DCHS2: variants seen among roughly 807,000 people sequenced by gnomAD.
DCHS2 encodes protocadherin-23.
DCHS2 carries 142 observed loss-of-function variants against 182.4 expected under a neutral mutation model. The ratio of observed to expected loss-of-function variants is 0.78; its 90% CI spans 0.68 to 0.89. The LOEUF (loss-of-function observed/expected upper bound fraction) is 0.89, where lower values mean the gene tolerates loss of function less well. Ranked by LOEUF, DCHS2 falls within the 40% of genes least tolerant of loss-of-function variation. The pLI, the probability that DCHS2 is intolerant of heterozygous loss-of-function variation, is 0.00. For synonymous variants in DCHS2, 1,740 were observed against 1,663.3 expected, an observed-to-expected ratio of 1.05 and a Z score of -1.12; for missense variants, 4,319 against 4,198.6, an observed-to-expected ratio of 1.03 and a Z score of -0.79.
At chr4:154,382,273 A>G (rs1461148821) in intron 1 of DCHS2, among the ~76,000 whole-genome samples, 1 of 152,212 alleles carries the variant, frequency 6.6e-6, no homozygotes, top group African/African-American at 2.4e-5. Context: ...ATATACAAAA[A>G]TTAAATGAAT....
chr4:154,333,651 G>A (rs1451656661), intron 4 of DCHS2, 157 bp from the exon 5 acceptor site: 2 of 725,018 alleles, frequency 2.8e-6, no homozygotes, highest in African/African-American at 1.8e-5. Context: ...TTCTGACACC[G>A]TATTTTATTG....
chr4:154,327,586 T>C (rs1369594010), intron 7 of DCHS2, among the ~76,000 whole-genome samples: 1 of 152,146 alleles, frequency 6.6e-6, no homozygotes, highest in Non-Finnish European at 1.5e-5. Flanking sequence ...GGAAAAAATC[T>C]GGGGCCTGCA....
intron 1 of DCHS2, among the ~76,000 whole-genome samples, chr4:154,394,797 G>C (rs750634031): frequency 2.0e-5 from 3 of 152,154 alleles, no homozygotes; most frequent in Non-Finnish European, 2.9e-5. Flanking sequence ...CCATATTTTA[G>C]AGCAAGAAAA....
At chr4:154,386,040 C>T (rs1189538729) in intron 1 of DCHS2, among the ~76,000 whole-genome samples, 6 of 152,098 alleles carry the variant, frequency 3.9e-5, no homozygotes, top group African/African-American at 9.7e-5. Flanking sequence ...ACTCCTGATT[C>T]CCACCCCACT....
chr4:154,298,338 G>C lies in DCHS2; in HGVS notation c.5976C>G (p.Ser1992Arg). ...IDPMSGTLKT[S>R]NTLDREARSQ... The stretch of plus-strand genomic sequence containing the variant: ...ATCTGGCTTCACGGTCGAGGGTGTT[G>C]CTGGTTTTCAATGTGCCTGACATAG... Residue 1992 changes from serine (S) to arginine (R), a missense_variant, in exon 13 of 20, where the codon AGC becomes AGG. Coordinates refer to ENST00000357232, the MANE Select transcript of DCHS2 (RefSeq NM_001358235.2). 6.2e-7 allele frequency: 1 copy of C among 1,614,150 alleles called. No homozygotes were observed.
In DCHS2 at chr4:154,332,687, C is replaced by T; in HGVS notation, c.3521G>A (p.Ser1174Asn). The T allele has an allele frequency of 6.2e-7, 1 of 1,614,210 alleles. No individual in the cohort carries two copies. The highest frequency in any genetic ancestry group is 8.5e-7 in the Non-Finnish European group (1 of 1,180,022). Residue 1174 changes from serine to asparagine, a missense_variant, in exon 5 of 20, where the codon AGC (serine) becomes AAC (asparagine). Transcript: ENST00000357232. Reference protein sequence around the residue: ...IPEDGFLQNVSTTVIVRVWDE... With the variant: ...IPEDGFLQNVNTTVIVRVWDE... ...CCAGACACGAACAATGACTGTAGTGCTCACATTTTGCAAGAATCCGTCCTC... is the reference window on the plus strand; with the variant it reads ...CCAGACACGAACAATGACTGTAGTGTTCACATTTTGCAAGAATCCGTCCTC...
At position 154,491,223 on chromosome 4, in the gene DCHS2, G is replaced by C. The variant is rs1476515580; in HGVS notation, c.133C>G (p.Arg45Gly). 6.4e-7 allele frequency: 1 copy of C among 1,551,240 alleles called. No homozygotes were observed. The highest frequency in any genetic ancestry group is 8.7e-7 in the Non-Finnish European group (1 of 1,146,938). Residue 45 changes from arginine (R) to glycine (G), a missense_variant, in exon 1 of 20, where the codon CGC becomes GGC. By Grantham distance (125) the Arg-to-Gly change is moderately radical. Transcript: ENST00000357232. ...TGCACCAAGAGCCAGAGCAGGGAGC[G>C]CTGCGTCCTGGCGCCGCTGCTGCCT... ...RSGSSGARTQ[R>G]SLLWLLVHVW...
At chr4:154,458,543 G>T (rs1033181951) in intron 1 of DCHS2, among the ~76,000 whole-genome samples, 6 of 152,168 alleles carry the variant, frequency 3.9e-5, no homozygotes, top group African/African-American at 1.4e-4. Flanking sequence ...GTCTGGCCAA[G>T]TCAGGACTCA....
At chr4:154,412,471 G>A (rs1732671546) in intron 1 of DCHS2, among the ~76,000 whole-genome samples, 1 of 152,116 alleles carries the variant, frequency 6.6e-6, no homozygotes, top group Non-Finnish European at 1.5e-5. Flanking sequence ...CTGAGTGGAA[G>A]GATATCACTC....
At chr4:154,447,321 C>G (rs1734342613) in intron 1 of DCHS2, among the ~76,000 whole-genome samples, 1 of 151,874 alleles carries the variant, frequency 6.6e-6, no homozygotes, top group African/African-American at 2.4e-5. Context: ...AACTTAAAAA[C>G]TAGGGAAATC....
chr4:154,478,878 A>G (rs1328922498), intron 1 of DCHS2, among the ~76,000 whole-genome samples: 1 of 152,244 alleles, frequency 6.6e-6, no homozygotes, highest in Admixed American at 6.5e-5. Flanking sequence ...GAAGAATGTA[A>G]CACTCAGAAG....
rs898046407 is a variant in DCHS2, at chr4:154,489,307, C to A, written c.2049G>T (p.Leu683=). 2.0e-6 allele frequency: 3 copies of A among 1,514,230 alleles called. No individual in the cohort carries two copies. The African/African-American group carries it at 4.1e-5, about 21-fold the overall frequency. The allele number at this position is 1,514,230 out of a possible 1,614,324, so 93.8% of individuals were successfully genotyped here. A position where few individuals can be genotyped will look rare whatever the true frequency, so the allele number is the denominator to read the frequency against. The change falls in exon 1 of 20, where the codon CTG becomes CTT. Residue 683 remains leucine (L), a synonymous_variant. Coordinates refer to ENST00000357232, the MANE Select transcript of DCHS2 (RefSeq NM_001358235.2). ...CCCACAGGCCTGATGCACTCACCTG[C>A]AGAAAGCAGTGTCCAACCGGGGCAT... ...AEHAPVGHCF[L]QVTASDADSG...
intron 1 of DCHS2, among the ~76,000 whole-genome samples, chr4:154,481,196 C>A (rs1735905740): frequency 6.6e-6 from 1 of 152,158 alleles, no homozygotes; most frequent in African/African-American, 2.4e-5. Flanking sequence ...GAGATCATAT[C>A]TCTAGCCATT....
intron 3 of DCHS2, among the ~76,000 whole-genome samples, chr4:154,359,980 G>GT (rs1008284239): frequency 4.0e-5 from 6 of 150,542 alleles, no homozygotes; most frequent in African/African-American, 4.9e-5. Context: ...CATCTTTAGT[G>GT]TTTTTTTTTA....
rs1388600001 is a variant in DCHS2, at chr4:154,256,106, ATTGGCTAGGTGTGAAT to A, written c.6790-452_6790-437del. Among the ~76,000 whole-genome samples the A allele has an allele frequency of 3.3e-5, 5 of 152,194 alleles. No individual in the cohort carries two copies. The East Asian group carries it at 7.7e-4, about 23-fold the overall frequency. The stretch of plus-strand genomic sequence containing the variant: ...TTCTGCTTAAAGAATTACCTATAAA[ATTGGCTAGGTGTGAAT>A]TTTTTTATATTGTATTTAAAGTTTT... On this transcript the variant is annotated intron_variant, in intron 15 of 19. Transcript: ENST00000357232.
chr4:154,274,947 C>T (rs1434365733), intron 13 of DCHS2, among the ~76,000 whole-genome samples: 1 of 152,004 alleles, frequency 6.6e-6, no homozygotes, highest in African/African-American at 2.4e-5. Context: ...TGAGCCATCT[C>T]ATTGAACCCT....
chr4:154,395,493 C>T (rs930727256), intron 1 of DCHS2, among the ~76,000 whole-genome samples: 5 of 152,144 alleles, frequency 3.3e-5, no homozygotes, highest in East Asian at 1.9e-4. Flanking sequence ...TGGATTGCTC[C>T]GCCATCACAC....
intron 14 of DCHS2, among the ~76,000 whole-genome samples, chr4:154,266,361 A>G (rs1202384151): frequency 6.6e-6 from 1 of 152,094 alleles, no homozygotes; most frequent in African/African-American, 2.4e-5. Context: ...TTGTTTTTCC[A>G]AAACCTTTTG....
At position 154,366,337 on chromosome 4, in the gene DCHS2, C is replaced by T. The variant is rs764593359; in HGVS notation, c.2349G>A (p.Glu783=). 1.2e-6 allele frequency: 2 copies of T among 1,613,620 alleles called. No homozygotes were observed. The highest frequency in any genetic ancestry group is 1.7e-6 in the Non-Finnish European group (2 of 1,179,874). The change falls in exon 3 of 20, where the codon GAG becomes GAA. Residue 783 remains glutamate, a synonymous_variant. Coordinates refer to ENST00000357232, the MANE Select transcript of DCHS2 (RefSeq NM_001358235.2). ...PSTYVTSISD[E]TQPGTEIINV... ...TGATGATCTCGGTGCCTGGCTGGGTCTCATCACTGATGCTCGTCACATAGG... is the reference window on the plus strand; with the variant it reads ...TGATGATCTCGGTGCCTGGCTGGGTTTCATCACTGATGCTCGTCACATAGG...
Sources: gnomAD v4.1 joint callset for allele counts (sites outside exome capture counted in the v4.1 genomes callset) on GRCh38, gnomAD v4.1.1 for gene constraint, MANE v1.5 for transcripts, NCBI Gene and HGNC (gene_info 2026-07-23, HGNC 2026-07-21) for gene names.